Variants in MANEA observed in about 807,000 individuals in gnomAD.
MANEA encodes mannosidase endo-alpha, also known as glycoprotein endo-alpha-1,2-mannosidase.
Under a neutral mutation model 36.8 loss-of-function variants are expected in MANEA, and 25 were observed. The observed-to-expected ratio is 0.68, with a 90% CI of 0.50 to 0.95. MANEA has a LOEUF of 0.95. Among genes scored for constraint, MANEA ranks in the 40% least tolerant of loss-of-function variants. MANEA has a pLI of 0.00. For synonymous variants in MANEA, 198 were observed against 188.5 expected (o/e 1.05, Z -0.41); for missense variants, 565 against 558.8 (o/e 1.01, Z -0.11).
chr6:95,586,898 C>A lies in MANEA; in HGVS notation c.459C>A (p.Ser153Arg). The A allele has an allele frequency of 3.7e-6, 6 of 1,613,462 alleles. No homozygotes were observed. The highest frequency in any genetic ancestry group is 5.1e-6 in the Non-Finnish European group (6 of 1,179,500). ...ACCCTCCAGATGACATTGGCTCCAG[C>A]TTTTATCCTGAATTGGGAAGTTACA... ...RHNPPDDIGSSFYPELGSYSS... is the reference protein window; with the variant it reads ...RHNPPDDIGSRFYPELGSYSS... Residue 153 changes from serine to arginine, a missense_variant, in exon 2 of 5, where the codon AGC becomes AGA. Transcript: ENST00000358812.
intron 3 of MANEA, among the ~76,000 whole-genome samples, chr6:95,603,397 C>T (rs548628044): frequency 7.8e-4 from 119 of 152,080 alleles, no homozygotes; most frequent in African/African-American, 2.8e-3. Flanking sequence ...AAGCAAATAC[C>T]AAAGTTATTG....
At position 95,605,985 on chromosome 6, in the gene MANEA, T is replaced by C. The variant is rs1423581964; in HGVS notation, c.969T>C (p.Tyr323=). 1 of 1,613,886 alleles carries C rather than the reference T, an allele frequency of 6.2e-7. No individual in the cohort carries two copies. The highest frequency in any genetic ancestry group is 8.5e-7 in the Non-Finnish European group (1 of 1,179,966). The change falls in exon 5 of 5, where the codon TAT becomes TAC. Residue 323 remains tyrosine (Y), a synonymous_variant. Coordinates refer to ENST00000358812, the MANE Select transcript of MANEA (RefSeq NM_024641.4). ...LQSGFDGIYT[Y]FATNGFTYGS... is the part of the protein sequence containing the mutation. ...GTGGTTTTGATGGAATTTACACATA[T>C]TTTGCCACAAATGGCTTTACTTATG...
At chr6:95,580,447 C>T (rs971579903) in intron 1 of MANEA, among the ~76,000 whole-genome samples, 2 of 151,832 alleles carry the variant, frequency 1.3e-5, no homozygotes, top group Admixed American at 6.6e-5. Context: ...ACAATTTGGC[C>T]GGGCACGGTG....
chr6:95,582,044 T>C (rs1171864968), intron 1 of MANEA, among the ~76,000 whole-genome samples: 1 of 152,074 alleles, frequency 6.6e-6, no homozygotes, highest in Non-Finnish European at 1.5e-5. Context: ...ATCCAAAATA[T>C]TATTTTTGCT....
At chr6:95,599,766 C>T (rs1217031689) in intron 3 of MANEA, among the ~76,000 whole-genome samples, 5 of 152,166 alleles carry the variant, frequency 3.3e-5, no homozygotes, top group African/African-American at 1.2e-4. Context: ...CATAAAGCTG[C>T]CTCTTCTTTC....
At chr6:95,603,363 A>T (rs956115400) in intron 3 of MANEA, among the ~76,000 whole-genome samples, 1 of 152,074 alleles carries the variant, frequency 6.6e-6, no homozygotes, top group African/African-American at 2.4e-5. Flanking sequence ...TACACTAGGC[A>T]ATTTGCTTTC....
intron 1 of MANEA, among the ~76,000 whole-genome samples, chr6:95,578,440 A>G (rs1056764737): frequency 1.3e-5 from 2 of 152,132 alleles, no homozygotes; most frequent in African/African-American, 4.8e-5. Flanking sequence ...GAAAAATGGG[A>G]CTGGAATAGG....
rs1769722887 is a variant in MANEA at position 95,606,767 on chromosome 6, A to AT, written c.*362_*363insT. The AT allele has an allele frequency of 6.5e-6, 1 of 153,856 alleles. No homozygotes were observed. Among genetic ancestry groups the AT allele is most frequent in the Non-Finnish European group, 1.4e-5 (1 of 69,292 alleles). 9.5% of individuals were successfully genotyped at this position (153,856 alleles called of 1,614,324 possible). A position where few individuals can be genotyped will look rare whatever the true frequency, so the allele number is the denominator to read the frequency against. On this transcript the variant is annotated 3_prime_UTR_variant, in exon 5 of 5. Transcript: ENST00000358812. The stretch of plus-strand genomic sequence containing the variant: ...TATATTTACATCCTAGACCCAAATA[A>AT]ATAGGATTGTGTGTATATTTGGGAT...
chr6:95,583,477 A>C (rs1386769861), intron 1 of MANEA, among the ~76,000 whole-genome samples: 2 of 152,092 alleles, frequency 1.3e-5, no homozygotes, highest in African/African-American at 4.8e-5. Flanking sequence ...GCCTTGATAT[A>C]TTTACAGTAT....
rs113824443 is a variant in MANEA at position 95,578,798 on chromosome 6, G to A, written c.-39+1160G>A. Among the ~76,000 whole-genome samples the A allele has an allele frequency of 4.3e-4, 65 of 152,290 alleles. 1 individual carries two copies. The highest frequency in any genetic ancestry group is 1.5e-3 in the African/African-American group (62 of 41,562). Reference sequence around the variant, plus strand: ...ATGGAGTAGGTAACAGTTAATCATTGTTTATTAGGTACATAATCCTTAATT... The same window carrying A: ...ATGGAGTAGGTAACAGTTAATCATTATTTATTAGGTACATAATCCTTAATT... On this transcript the variant is annotated intron_variant, in intron 1 of 4. Coordinates refer to ENST00000358812, the MANE Select transcript of MANEA (RefSeq NM_024641.4).
chr6:95,606,385 C>A lies in MANEA; in HGVS notation c.1369C>A (p.Arg457Ser). 6.3e-7 allele frequency: 1 copy of A among 1,593,982 alleles called. No individual in the cohort carries two copies. Among genetic ancestry groups the A allele is most frequent in the South Asian group, 1.1e-5 (1 of 89,944 alleles). ...SKERATYALD[R>S]QLPVS is the part of the protein sequence containing the mutation. The stretch of plus-strand genomic sequence containing the variant: ...GGAAAGAGCAACTTATGCATTAGAT[C>A]GCCAGCTGCCTGTTTCTTAATGCAT... The change falls in exon 5 of 5, where the codon CGC (arginine) becomes AGC (serine). Residue 457 changes from arginine to serine, a missense_variant. Physicochemically the swap from Arg to Ser is moderately radical, Grantham distance 110 (BLOSUM62 -1). Coordinates refer to ENST00000358812, the MANE Select transcript of MANEA (RefSeq NM_024641.4).
Position 95,596,808 on chromosome 6 carries a change from C to T in MANEA, c.616C>T (p.Pro206Ser), listed in dbSNP as rs778035885. 26 of 1,603,244 alleles carry T rather than the reference C, an allele frequency of 1.6e-5. No individual in the cohort carries two copies. The highest frequency in any genetic ancestry group is 2.2e-5 in the Non-Finnish European group (26 of 1,170,748). The change falls in exon 3 of 5, where the codon CCC becomes TCC. Residue 206 changes from proline (P) to serine (S), a missense_variant. Physicochemically the swap from Pro to Ser is moderately conservative, Grantham distance 74. Transcript: ENST00000358812. ...TGGAGAACCTACTGATAACTTGGTA[C>T]CCACTATTTTGGATAAAGCTCATAA... ...ENGEPTDNLVPTILDKAHKYN... is the reference protein window; with the variant it reads ...ENGEPTDNLVSTILDKAHKYN...
In MANEA at chr6:95,587,902, C is replaced by T. The variant is rs189663467; in HGVS notation, c.544+919C>T. On this transcript the variant is annotated intron_variant, in intron 2 of 4. Transcript: ENST00000358812. ...TCTTCCTTCTCTTACATTACATATG[C>T]GTATTATTCTGTTTTATATTTTCTT... Among the ~76,000 whole-genome samples the T allele has an allele frequency of 6.7e-4, 101 of 151,716 alleles. 1 individual carries two copies. The highest frequency in any genetic ancestry group is 1.8e-4 in the Non-Finnish European group (12 of 67,830).
chr6:95,587,976 A>G (rs1769319213), intron 2 of MANEA, among the ~76,000 whole-genome samples: 1 of 151,900 alleles, frequency 6.6e-6, no homozygotes, highest in African/African-American at 2.4e-5. Flanking sequence ...CCTTTTTACA[A>G]TACGCCCCTT....
Position 95,605,838 on chromosome 6 carries a change from G to A in MANEA, c.822G>A (p.Lys274=). The change falls in exon 5 of 5, where the codon AAG becomes AAA. Residue 274 remains lysine, a synonymous_variant. Transcript: ENST00000358812. ...MFYVYDSYIT[K]PEKWANLLTT... ...ATGTCTATGATTCCTATATTACCAA[G>A]CCTGAAAAATGGGCCAATCTGTTAA... The A allele has an allele frequency of 2.5e-6, 4 of 1,613,788 alleles. No individual in the cohort carries two copies. Among genetic ancestry groups the A allele is most frequent in the Non-Finnish European group, 2.5e-6 (3 of 1,179,816 alleles).
intron 3 of MANEA, among the ~76,000 whole-genome samples, chr6:95,602,580 G>C (rs1423510962): frequency 6.7e-6 from 1 of 150,220 alleles, no homozygotes; most frequent in Non-Finnish European, 1.5e-5. Flanking sequence ...ATGAGGGAAT[G>C]TTTATATTCT....
At chr6:95,597,731 T>C (rs1363096221) in intron 3 of MANEA, among the ~76,000 whole-genome samples, 2 of 152,052 alleles carry the variant, frequency 1.3e-5, no homozygotes, top group African/African-American at 4.8e-5. Flanking sequence ...ATTATTGCAT[T>C]ATCAATACCA....
Position 95,587,014 on chromosome 6 carries a change from T to C in MANEA, c.544+31T>C, listed in dbSNP as rs779610366. ...TATTGTATATATATATATGTGTGTT[T>C]GTGTCTGTATATATGCATATAAATG... On this transcript the variant is annotated intron_variant, in intron 2 of 4. Coordinates refer to ENST00000358812, the MANE Select transcript of MANEA (RefSeq NM_024641.4). The C allele has an allele frequency of 5.4e-6, 7 of 1,296,080 alleles. No homozygotes were observed. In the African/African-American group the frequency reaches 8.9e-5, roughly 17 times the overall value. 80.3% of individuals were successfully genotyped at this position (1,296,080 alleles called of 1,614,324 possible).
intron 3 of MANEA, among the ~76,000 whole-genome samples, chr6:95,600,099 T>G (rs1050442795): frequency 6.6e-6 from 1 of 152,156 alleles, no homozygotes. Context: ...ATATGAGGAT[T>G]GGTTGGCTTT....
Sources: gnomAD v4.1 joint callset for allele counts (sites outside exome capture counted in the v4.1 genomes callset) on GRCh38, gnomAD v4.1.1 for gene constraint, MANE v1.5 for transcripts, NCBI Gene and HGNC (gene_info 2026-07-23, HGNC 2026-07-21) for gene names.